The following CCDC18 variants were observed in gnomAD, a reference collection of about 807,000 sequenced individuals.
CCDC18 encodes the protein coiled-coil domain-containing protein 18.
In CCDC18, 157 loss-of-function variants were observed where a neutral mutation model predicts 196.0. That is an observed-to-expected ratio of 0.80 (90% confidence interval 0.70 to 0.91). The LOEUF (loss-of-function observed/expected upper bound fraction) is 0.91, where lower values mean the gene tolerates loss of function less well. Among genes scored for constraint, CCDC18 ranks in the 40% least tolerant of loss-of-function variants. CCDC18 has a pLI of 0.00. For missense variants in CCDC18, 1,465 were observed against 1,611.6 expected, an observed-to-expected ratio of 0.91 and a Z score of 1.56; for synonymous variants, 482 against 529.2, an observed-to-expected ratio of 0.91 and a Z score of 1.22.
At chr1:93,243,714 C>T (rs1169952718) in intron 21 of CCDC18, among the ~76,000 whole-genome samples, 1 of 152,194 alleles carries the variant, frequency 6.6e-6, no homozygotes, top group Non-Finnish European at 1.5e-5. Context: ...CCACAAATCT[C>T]TAGGGCAGGG....
At position 93,264,632 on chromosome 1, in the gene CCDC18, G is replaced by C. The variant is rs1032498810; in HGVS notation, c.3685-69G>C. 9.2e-6 allele frequency: 8 copies of C among 873,516 alleles called. No homozygotes were observed. In the African/African-American group the frequency reaches 1.2e-4, roughly 13 times the overall value. The allele number at this position is 873,516 out of a possible 1,614,324, so 54.1% of individuals were successfully genotyped here. A position where few individuals can be genotyped will look rare whatever the true frequency, so the allele number is the denominator to read the frequency against. Reference sequence around the variant, plus strand: ...AAGTAAATAAAAGTAGAAAGCATTAGACTGTTGTCGAATCCAGTTTCCTTC... The same window carrying C: ...AAGTAAATAAAAGTAGAAAGCATTACACTGTTGTCGAATCCAGTTTCCTTC... On this transcript the variant is annotated intron_variant, in intron 26 of 28. Coordinates refer to ENST00000690025, the MANE Select transcript of CCDC18 (RefSeq NM_001378204.1).
intron 27 of CCDC18, among the ~76,000 whole-genome samples, chr1:93,267,984 A>G (rs1484239187): frequency 2.6e-5 from 4 of 152,178 alleles, no homozygotes; most frequent in Non-Finnish European, 4.4e-5. Context: ...AGCCAAGACA[A>G]TCCTAAGCCA....
chr1:93,211,203 G>A (rs917783958), intron 10 of CCDC18, among the ~76,000 whole-genome samples: 5 of 151,542 alleles, frequency 3.3e-5, no homozygotes, highest in South Asian at 2.1e-4. Context: ...ACTTGAACCC[G>A]GGAGGCGGTG....
Position 93,239,734 on chromosome 1 carries a change from C to G in CCDC18, c.2819C>G (p.Ala940Gly). ...QHSTETELTE[A>G]LQKREVLETE... ...AGTACTGAAACTGAACTAACAGAAG[C>G]CTTGCAAAAACGGGAAGTACTTGAG... is the stretch of plus-strand genomic sequence containing the variant. Residue 940 changes from alanine (A) to glycine (G), a missense_variant, in exon 21 of 29, where the codon GCC becomes GGC. Physicochemically the swap from Ala to Gly is moderately conservative, Grantham distance 60. Transcript: ENST00000690025. 4 of 1,613,664 alleles carry G rather than the reference C, an allele frequency of 2.5e-6. No individual in the cohort carries two copies. Among genetic ancestry groups the G allele is most frequent in the Non-Finnish European group, 3.4e-6 (4 of 1,179,780 alleles).
At position 93,263,198 on chromosome 1, in the gene CCDC18, G is replaced by T. The variant is rs564286271; in HGVS notation, c.3685-1503G>T. Reference sequence around the variant, plus strand: ...CCTTGAAGATCTCTGAAATGGCCTGGAGTCATTTTCCCCATTGTCTTGGCA... The same window carrying T: ...CCTTGAAGATCTCTGAAATGGCCTGTAGTCATTTTCCCCATTGTCTTGGCA... On this transcript the variant is annotated intron_variant, in intron 26 of 28. Coordinates refer to ENST00000690025, the MANE Select transcript of CCDC18 (RefSeq NM_001378204.1). Among the ~76,000 whole-genome samples the T allele has an allele frequency of 3.7e-4, 57 of 152,190 alleles. No individual in the cohort carries two copies. In the South Asian group the frequency reaches 0.012, roughly 31 times the overall value.
At position 93,245,908 on chromosome 1, in the gene CCDC18, C is replaced by A. The variant is rs148859469; in HGVS notation, c.2982-197C>A. ...AGTTAACTTTTACCCTTTTAGAATA[C>A]CCTTTATTAAATTAATTGTATTGAT... On this transcript the variant is annotated intron_variant, in intron 21 of 28. Coordinates refer to ENST00000690025, the MANE Select transcript of CCDC18 (RefSeq NM_001378204.1). Among the ~76,000 whole-genome samples, 583 of 152,040 alleles carry A rather than the reference C, an allele frequency of 3.8e-3. 2 individuals carry two copies. Among genetic ancestry groups the A allele is most frequent in the African/African-American group, 0.013 (528 of 41,488 alleles).
intron 16 of CCDC18, among the ~76,000 whole-genome samples, chr1:93,223,591 TA>T (rs1420449766): frequency 1.3e-5 from 2 of 152,226 alleles, no homozygotes; most frequent in Non-Finnish European, 2.9e-5. Context: ...AGGTTGATGA[TA>T]AAATTCTGAA....
At chr1:93,262,567 C>T (rs959805694) in intron 26 of CCDC18, among the ~76,000 whole-genome samples, 2 of 152,222 alleles carry the variant, frequency 1.3e-5, no homozygotes, top group African/African-American at 4.8e-5. Flanking sequence ...CCAAGCTACA[C>T]TGATGCAAGG....
chr1:93,188,905 A>C (rs912325054), intron 4 of CCDC18, among the ~76,000 whole-genome samples: 1 of 152,220 alleles, frequency 6.6e-6, no homozygotes, highest in Non-Finnish European at 1.5e-5. Context: ...TGATACAATC[A>C]TGCAGCATAA....
At chr1:93,260,257 G>A (rs1663602851) in intron 26 of CCDC18, among the ~76,000 whole-genome samples, 1 of 152,182 alleles carries the variant, frequency 6.6e-6, no homozygotes, top group African/African-American at 2.4e-5. Flanking sequence ...GGTGGCGCAT[G>A]CCTATAATCC....
intron 3 of CCDC18, among the ~76,000 whole-genome samples, chr1:93,184,372 T>A (rs1399888586): frequency 6.6e-6 from 1 of 151,952 alleles, no homozygotes; most frequent in African/African-American, 2.4e-5. Flanking sequence ...ATTACTCTAC[T>A]TTTAAACTTA....
At chr1:93,254,174 G>A (rs959225737) in intron 23 of CCDC18, among the ~76,000 whole-genome samples, 6 of 151,898 alleles carry the variant, frequency 4.0e-5, no homozygotes, top group African/African-American at 7.3e-5. Context: ...AATTTCAATC[G>A]CTTTTGGGGT....
In CCDC18 at chr1:93,258,750, T is replaced by C; in HGVS notation, c.3549T>C (p.Asp1183=). ...TTACTCAATATGTCATTTTTAAGGA[T>C]GCTCATGGAAACCATTTAGCTGAAG... is the stretch of plus-strand genomic sequence containing the variant. ...EDMKQLSKEK[D]AHGNHLAEEL... The change falls in exon 26 of 29, where the codon GAT becomes GAC. Residue 1183 remains aspartate, a splice_region_variant and synonymous_variant. Transcript: ENST00000690025. The C allele has an allele frequency of 6.5e-7, 1 of 1,542,304 alleles. No homozygotes were observed. The highest frequency in any genetic ancestry group is 1.3e-5 in the South Asian group (1 of 79,036).
At chr1:93,205,884 AATAGAT>A (rs1309096952) in intron 8 of CCDC18, among the ~76,000 whole-genome samples, 1 of 152,170 alleles carries the variant, frequency 6.6e-6, no homozygotes, top group East Asian at 1.9e-4. Context: ...AGAGAAAATT[AATAGAT>A]ATAATGTCCT....
intron 17 of CCDC18, among the ~76,000 whole-genome samples, chr1:93,230,696 T>A (rs1415267462): frequency 1.3e-5 from 2 of 152,208 alleles, no homozygotes; most frequent in Admixed American, 1.3e-4. Flanking sequence ...CTTTGTGTTT[T>A]GGTTAGATCT....
Position 93,233,750 on chromosome 1 carries a change from C to T in CCDC18, c.2460+1157C>T, listed in dbSNP as rs138611950. On this transcript the variant is annotated intron_variant, in intron 18 of 28. Coordinates refer to ENST00000690025, the MANE Select transcript of CCDC18 (RefSeq NM_001378204.1). ...AGTAGCTGGGATTACAGGCATGTGC[C>T]ACCACACCCAGCTAATTTTGTATTT... Among the ~76,000 whole-genome samples the T allele has an allele frequency of 1.6e-4, 24 of 152,300 alleles. No homozygotes were observed. The East Asian group carries it at 4.4e-3, about 28-fold the overall frequency.
chr1:93,193,943 C>G (rs1652284664), intron 6 of CCDC18, among the ~76,000 whole-genome samples, 199 bp downstream of exon 6: 1 of 151,660 alleles, frequency 6.6e-6, no homozygotes, highest in African/African-American at 2.4e-5. Flanking sequence ...TATTAGCATC[C>G]TGGATTGGGC....
At chr1:93,252,752 G>T (rs1662436110) in intron 23 of CCDC18, among the ~76,000 whole-genome samples, 1 of 152,190 alleles carries the variant, frequency 6.6e-6, no homozygotes, top group Non-Finnish European at 1.5e-5. Flanking sequence ...CTTAGTTTGT[G>T]CTTGTCCTTT....
intron 26 of CCDC18, among the ~76,000 whole-genome samples, chr1:93,259,441 CT>C (rs1663472278): frequency 6.6e-6 from 1 of 152,038 alleles, no homozygotes; most frequent in Admixed American, 6.6e-5. Context: ...TTTTTAAAAA[CT>C]ACATTTAAAG....
Sources: gnomAD v4.1 joint callset for allele counts (sites outside exome capture counted in the v4.1 genomes callset) on GRCh38, gnomAD v4.1.1 for gene constraint, MANE v1.5 for transcripts, NCBI Gene and HGNC (gene_info 2026-07-23, HGNC 2026-07-21) for gene names.